GRAMD2A: variants seen among roughly 807,000 people sequenced by gnomAD.
The protein encoded by GRAMD2A is GRAM domain containing 2A.
GRAMD2A carries 37 observed loss-of-function variants against 51.1 expected under a neutral mutation model. That is an observed-to-expected ratio of 0.72 (90% CI 0.56 to 0.95). GRAMD2A has a LOEUF of 0.95. Among genes scored for constraint, GRAMD2A ranks in the 40% least tolerant of loss-of-function variants. GRAMD2A has a pLI of 0.00. For synonymous variants in GRAMD2A, 136 were observed against 157.1 expected (o/e 0.87, Z 1.01); for missense variants, 414 against 426.9 (o/e 0.97, Z 0.27).
In GRAMD2A at chr15:72,167,634, GC is replaced by G. The variant is rs1361416871; in HGVS notation, c.372+101del. 3 of 902,484 alleles carry G rather than the reference GC, an allele frequency of 3.3e-6. No individual in the cohort carries two copies. In the African/African-American group the frequency reaches 5.0e-5, roughly 15 times the overall value. 55.9% of individuals were successfully genotyped at this position (902,484 alleles called of 1,614,324 possible). A position where few individuals can be genotyped will look rare whatever the true frequency, so the allele number is the denominator to read the frequency against. The stretch of plus-strand genomic sequence containing the variant: ...CAACCAGCAAGGGGCTTCACCCGGG[GC>G]CCAGCACGCAGAGAGATAGGCATGA... On this transcript the variant is annotated intron_variant, in intron 5 of 11. Transcript: ENST00000309731.
At chr15:72,173,365 C>T (rs1214253294) in intron 1 of GRAMD2A, among the ~76,000 whole-genome samples, 1 of 152,156 alleles carries the variant, frequency 6.6e-6, no homozygotes, top group African/African-American at 2.4e-5. Context: ...CTCAGCCCTC[C>T]CCCAGCCTAG....
At chr15:72,193,891 A>G (rs1194634696) in intron 1 of GRAMD2A, among the ~76,000 whole-genome samples, 1 of 152,186 alleles carries the variant, frequency 6.6e-6, no homozygotes, top group Non-Finnish European at 1.5e-5. Context: ...ACTTTCTCCT[A>G]CAGTGGCTTA....
rs771619942 is a variant in GRAMD2A at position 72,168,518 on chromosome 15, C to T, written c.241G>A (p.Val81Ile). Residue 81 changes from valine to isoleucine, a missense_variant, in exon 4 of 12, where the codon GTT becomes ATT. Physicochemically the swap from Val to Ile is conservative, Grantham distance 29. Transcript: ENST00000309731. ...TTGAGAACCACTTCCTCCAAGGGAA[C>T]ATCCTTAAACAGCTTGTGGTATTGC... ...NQQYHKLFKDVPLEEVVLKVC... is the reference protein window; with the variant it reads ...NQQYHKLFKDIPLEEVVLKVC... 5 of 1,613,690 alleles carry T rather than the reference C, an allele frequency of 3.1e-6. No individual in the cohort carries two copies. In the South Asian group the frequency reaches 5.5e-5, roughly 18 times the overall value.
At chr15:72,191,907 T>C (rs2081770539) in intron 1 of GRAMD2A, among the ~76,000 whole-genome samples, 1 of 152,234 alleles carries the variant, frequency 6.6e-6, no homozygotes, top group Admixed American at 6.5e-5. Context: ...ACTCTTTGAC[T>C]TTAGTCAAAG....
chr15:72,162,494 C>T (rs950067365), intron 10 of GRAMD2A, 117 bp from the exon 11 acceptor site: 2 of 693,774 alleles, frequency 2.9e-6, no homozygotes, highest in Non-Finnish European at 4.9e-6. Flanking sequence ...TTAAAGAGCC[C>T]TTTGTCCTGC....
Position 72,197,739 on chromosome 15 carries a change from C to T in GRAMD2A, c.33G>A (p.Glu11=). The T allele has an allele frequency of 2.2e-6, 3 of 1,339,652 alleles. No homozygotes were observed. Among genetic ancestry groups the T allele is most frequent in the Non-Finnish European group, 2.9e-6 (3 of 1,038,046 alleles). The allele number at this position is 1,339,652 out of a possible 1,614,324, so 83.0% of individuals were successfully genotyped here. ...GGGCCGCAACCCCTTACCCGCCCTCCTCGGTGGCCTCGCTCCGGCTTAAAG... is the reference window on the plus strand; with the variant it reads ...GGGCCGCAACCCCTTACCCGCCCTCTTCGGTGGCCTCGCTCCGGCTTAAAG... MTALSRSEAT[E]EGGNQQMHRK... is the part of the protein sequence containing the mutation. Residue 11 remains glutamate (E), a synonymous_variant, in exon 1 of 12, where the codon GAG becomes GAA. Coordinates refer to ENST00000309731, the MANE Select transcript of GRAMD2A (RefSeq NM_001012642.3).
intron 1 of GRAMD2A, among the ~76,000 whole-genome samples, chr15:72,187,394 C>T (rs899098672): frequency 6.7e-6 from 1 of 148,788 alleles, no homozygotes; most frequent in Admixed American, 6.7e-5. Context: ...GATGTTGAGG[C>T]TGCAGTGAAC....
At chr15:72,196,598 C>T (rs1448358372) in intron 1 of GRAMD2A, among the ~76,000 whole-genome samples, 3 of 152,146 alleles carry the variant, frequency 2.0e-5, no homozygotes, top group Non-Finnish European at 4.4e-5. Context: ...CTACCTCTCC[C>T]AGCAAGGCCA....
rs917895064 is a variant in GRAMD2A at position 72,170,098 on chromosome 15, CA to C, written c.42-160del. ...ATGTCACAGTTCAGAGGCAGCAGCG[CA>C]GGCAGAGGTTCTGGGATGGCTGACG... On this transcript the variant is annotated intron_variant, in intron 1 of 11. Transcript: ENST00000309731. This position sits in a 1 kb window ranked among gnomAD's most constrained non-coding sequence, Gnocchi z 4.5. 2.3e-4 allele frequency: 167 copies of C among 717,416 alleles called. No individual in the cohort carries two copies. The African/African-American group carries it at 2.5e-3, about 11-fold the overall frequency. 44.4% of individuals were successfully genotyped at this position (717,416 alleles called of 1,614,324 possible).
chr15:72,174,618 C>T (rs918082244), intron 1 of GRAMD2A, among the ~76,000 whole-genome samples: 6 of 152,166 alleles, frequency 3.9e-5, no homozygotes, highest in African/African-American at 1.4e-4. Context: ...TGAGGCCCTT[C>T]CCCTGGCTGA....
intron 1 of GRAMD2A, among the ~76,000 whole-genome samples, chr15:72,192,998 T>C (rs144884578): frequency 0.026 from 3,932 of 151,926 alleles, 136 homozygotes; most frequent in East Asian, 0.16. Context: ...TGGTGGCACA[T>C]GACTGTAATC....
chr15:72,182,378 A>C (rs1596694593), intron 1 of GRAMD2A, among the ~76,000 whole-genome samples: 1 of 151,586 alleles, frequency 6.6e-6, no homozygotes, highest in African/African-American at 2.4e-5. Flanking sequence ...AAAAAAAAAA[A>C]AAAAAAACCC....
At chr15:72,162,228 C>T in intron 11 of GRAMD2A, 45 bp downstream of exon 11, 1 of 1,492,446 alleles carries the variant, frequency 6.7e-7, no homozygotes, top group East Asian at 2.3e-5. Context: ...GGCTCCTGTC[C>T]TCAACCCTCA....
intron 8 of GRAMD2A, 134 bp downstream of exon 8, chr15:72,165,220 T>C: frequency 1.3e-6 from 1 of 755,730 alleles, no homozygotes; most frequent in Non-Finnish European, 2.3e-6. Flanking sequence ...AGAGATGCCC[T>C]GGCATAGCAT....
chr15:72,169,612 C>G (rs1008598811), intron 2 of GRAMD2A: 4 of 687,274 alleles, frequency 5.8e-6, no homozygotes, highest in Non-Finnish European at 5.3e-6. Flanking sequence ...GCCCAGAGCA[C>G]AGGTGAGCAG....
At chr15:72,169,168 C>G (rs1372264964) in intron 2 of GRAMD2A, 172 bp from the exon 3 acceptor site, 2 of 642,218 alleles carry the variant, frequency 3.1e-6, no homozygotes, top group Non-Finnish European at 5.6e-6. Flanking sequence ...CACAGCTAAA[C>G]TATACAGCTC....
Position 72,163,353 on chromosome 15 carries a change from T to A in GRAMD2A, c.869A>T (p.Tyr290Phe). Residue 290 changes from tyrosine (Y) to phenylalanine (F), a missense_variant, in exon 10 of 12, where the codon TAT becomes TTT. Physicochemically the swap from Tyr to Phe is conservative, Grantham distance 22 (BLOSUM62 3). Coordinates refer to ENST00000309731, the MANE Select transcript of GRAMD2A (RefSeq NM_001012642.3). ...CTCCTCCTCCAGCTCATCCTCCTCA[T>A]AGACAGCATTCTTTGCAGTGGGAGA... ...NCSPTAKNAV[Y>F]EEDELEEEPR... 3 of 1,614,138 alleles carry A rather than the reference T, an allele frequency of 1.9e-6. No individual in the cohort carries two copies. Among genetic ancestry groups the A allele is most frequent in the South Asian group, 1.1e-5 (1 of 91,082 alleles).
At chr15:72,183,151 G>A (rs544108541) in intron 1 of GRAMD2A, among the ~76,000 whole-genome samples, 32 of 151,380 alleles carry the variant, frequency 2.1e-4, no homozygotes, top group Admixed American at 3.3e-4. Context: ...GGGATTACAG[G>A]TGTGAGCCAC....
intron 1 of GRAMD2A, among the ~76,000 whole-genome samples, chr15:72,179,862 G>C (rs1358787871): frequency 6.6e-6 from 1 of 152,152 alleles, no homozygotes; most frequent in Admixed American, 6.6e-5. Context: ...GGCCTCAAAG[G>C]CACCCAGAAA....
Sources: gnomAD v4.1 joint callset for allele counts (sites outside exome capture counted in the v4.1 genomes callset) on GRCh38, gnomAD v4.1.1 for gene constraint, Gnocchi (gnomAD v3.1) non-coding constraint, MANE v1.5 for transcripts, NCBI Gene and HGNC (gene_info 2026-07-23, HGNC 2026-07-21) for gene names.